Variants in TOGARAM2 observed in about 807,000 individuals in gnomAD.
TOGARAM2 encodes TOG array regulator of axonemal microtubules 2.
In TOGARAM2, 85 loss-of-function variants were observed where a neutral mutation model predicts 93.3. The ratio of observed to expected loss-of-function variants is 0.91; its 90% CI spans 0.76 to 1.09. TOGARAM2 has a LOEUF of 1.09. TOGARAM2 is among the 50% of genes least tolerant of loss of function. The pLI, the probability that TOGARAM2 is intolerant of heterozygous loss-of-function variation, is 0.00. For missense variants in TOGARAM2, 1,277 were observed against 1,334.5 expected, an observed-to-expected ratio of 0.96 and a Z score of 0.67; for synonymous variants, 593 against 552.8, an observed-to-expected ratio of 1.07 and a Z score of -1.02.
At chr2:29,006,344 G>A (rs1663844172) in intron 6 of TOGARAM2, among the ~76,000 whole-genome samples, 1 of 144,272 alleles carries the variant, frequency 6.9e-6, no homozygotes, top group South Asian at 2.2e-4. Flanking sequence ...GTGTGTATGT[G>A]TGTATGTGTG....
At chr2:29,023,010 G>T in intron 11 of TOGARAM2, 76 bp from the exon 12 acceptor site, 1 of 1,335,830 alleles carries the variant, frequency 7.5e-7, no homozygotes, top group South Asian at 1.3e-5. Flanking sequence ...TGTGTGATGT[G>T]GGGCCCCTAG....
chr2:29,002,045 G>A (rs1020696357), intron 4 of TOGARAM2, among the ~76,000 whole-genome samples: 15 of 152,008 alleles, frequency 9.9e-5, no homozygotes, highest in African/African-American at 3.6e-4. Context: ...GAAGTGTGGC[G>A]GTCTGTCTTA....
At chr2:29,030,316 A>G (rs1665690442) in intron 14 of TOGARAM2, among the ~76,000 whole-genome samples, 2 of 152,186 alleles carry the variant, frequency 1.3e-5, no homozygotes, top group South Asian at 4.1e-4. Flanking sequence ...TCACATAGCC[A>G]TTAAACTTGG....
rs367996217 is a variant in TOGARAM2, at chr2:29,032,654, C to T, written c.2013-280C>T. ...AATGATAAAGTGAAAAAGCTGAATACAACTTGTATATACATTCTGATATCA... is the reference window on the plus strand; with the variant it reads ...AATGATAAAGTGAAAAAGCTGAATATAACTTGTATATACATTCTGATATCA... On this transcript the variant is annotated intron_variant, in intron 14 of 19. Transcript: ENST00000379558. 232 of 320,402 alleles carry T rather than the reference C, an allele frequency of 7.2e-4. 1 individual carries two copies. In the South Asian group the frequency reaches 0.011, roughly 15 times the overall value. 19.8% of individuals were successfully genotyped at this position (320,402 alleles called of 1,614,324 possible). A position where few individuals can be genotyped will look rare whatever the true frequency, so the allele number is the denominator to read the frequency against.
At chr2:28,973,504 C>T (rs13002338) in intron 1 of TOGARAM2, among the ~76,000 whole-genome samples, 19 of 139,688 alleles carry the variant, frequency 1.4e-4, no homozygotes, top group African/African-American at 4.6e-4. Flanking sequence ...TTCTCCCTCC[C>T]TCCTTCCCTC....
chr2:29,026,008 C>A (rs1665335029), intron 13 of TOGARAM2, among the ~76,000 whole-genome samples: 1 of 152,114 alleles, frequency 6.6e-6, no homozygotes, highest in Non-Finnish European at 1.5e-5. Context: ...CCCCGAGGGG[C>A]CTGGAACATG....
chr2:29,048,417 G>A (rs1414429158), intron 19 of TOGARAM2: 1 of 152,150 alleles, frequency 6.6e-6, no homozygotes, highest in Non-Finnish European at 1.5e-5. Flanking sequence ...TTCAGTGGTA[G>A]TGTCCATGAT....
chr2:29,025,074 T>A (rs1371161090), intron 13 of TOGARAM2, among the ~76,000 whole-genome samples: 1 of 152,198 alleles, frequency 6.6e-6, no homozygotes, highest in East Asian at 1.9e-4. Flanking sequence ...ATTACACTGA[T>A]GCGTGAGGTT....
intron 19 of TOGARAM2, 23 bp from the exon 20 acceptor site, chr2:29,051,733 G>C (rs1667079961): frequency 6.8e-7 from 1 of 1,459,956 alleles, no homozygotes; most frequent in African/African-American, 1.4e-5. Flanking sequence ...TGGCTCAAGT[G>C]ACTCTCCTTT....
intron 1 of TOGARAM2, among the ~76,000 whole-genome samples, chr2:28,990,155 C>G (rs548398496): frequency 6.6e-6 from 1 of 152,086 alleles, no homozygotes; most frequent in African/African-American, 2.4e-5. Context: ...GGAGACAGCA[C>G]GAGATACAGG....
Position 29,052,140 on chromosome 2 carries a change from G to A in TOGARAM2, c.*47G>A, listed in dbSNP as rs778572135. The A allele has an allele frequency of 7.7e-6, 11 of 1,425,552 alleles. No individual in the cohort carries two copies. Among genetic ancestry groups the A allele is most frequent in the Non-Finnish European group, 9.3e-6 (10 of 1,069,986 alleles). The allele number at this position is 1,425,552 out of a possible 1,614,324, so 88.3% of individuals were successfully genotyped here. ...TTATTATTTATCTTATTTTTTTGAT[G>A]GACTATTCTCCTGGTTACTTTCCCC... On this transcript the variant is annotated 3_prime_UTR_variant, in exon 20 of 20. Transcript: ENST00000379558.
chr2:29,001,552 G>C (rs1673298618), intron 4 of TOGARAM2, among the ~76,000 whole-genome samples: 1 of 151,472 alleles, frequency 6.6e-6, no homozygotes, highest in Non-Finnish European at 1.5e-5. Flanking sequence ...CCAGTCTAGA[G>C]TGCAGTGGTG....
At chr2:28,960,832 G>A (rs1482173923) in intron 1 of TOGARAM2, among the ~76,000 whole-genome samples, 1 of 152,190 alleles carries the variant, frequency 6.6e-6, no homozygotes, top group Non-Finnish European at 1.5e-5. Flanking sequence ...CTGAGTGACA[G>A]AATTGTTAAT....
intron 7 of TOGARAM2, among the ~76,000 whole-genome samples, chr2:29,013,325 T>C (rs1235992947): frequency 6.6e-6 from 1 of 152,202 alleles, no homozygotes; most frequent in Admixed American, 6.5e-5. Context: ...TAGTCAGGGT[T>C]CTCCAGAGGG....
In TOGARAM2 at chr2:29,036,565, C is replaced by T; in HGVS notation, c.2443C>T (p.Leu815Phe). ...VQVFDAFTPR[L>F]QDSNKKVNQW... is the part of the protein sequence containing the mutation. The stretch of plus-strand genomic sequence containing the variant: ...GGTCTTTGATGCTTTCACCCCAAGG[C>T]TTCAGGATTCCAACAAGAAAGTGAA... The change falls in exon 18 of 20, where the codon CTT (leucine) becomes TTT (phenylalanine). Residue 815 changes from leucine to phenylalanine, a missense_variant. By Grantham distance (22) the Leu-to-Phe change is conservative. Coordinates refer to ENST00000379558, the MANE Select transcript of TOGARAM2 (RefSeq NM_199280.4). The T allele has an allele frequency of 1.2e-6, 2 of 1,613,990 alleles. No homozygotes were observed. The highest frequency in any genetic ancestry group is 1.7e-6 in the Non-Finnish European group (2 of 1,179,890).
chr2:29,005,420 A>G (rs573265853), intron 6 of TOGARAM2, among the ~76,000 whole-genome samples: 1 of 74,820 alleles, frequency 1.3e-5, no homozygotes, highest in Non-Finnish European at 2.9e-5. Flanking sequence ...TGCGTGTGTG[A>G]GAGCATGCAT....
At position 29,017,278 on chromosome 2, in the gene TOGARAM2, G is replaced by A. The variant is rs1268750331; in HGVS notation, c.1169G>A (p.Gly390Asp). The change falls in exon 9 of 20, where the codon GGC becomes GAC. Residue 390 changes from glycine (G) to aspartate (D), a missense_variant. Coordinates refer to ENST00000379558, the MANE Select transcript of TOGARAM2 (RefSeq NM_199280.4). The part of the protein sequence containing the change: ...TGQELTSQCL[G>D]SQRAFMKEGL... ...CAGGAGCTCACTTCCCAGTGCCTGG[G>A]CTCCCAGAGAGCCTTCATGAAGGAA... is the stretch of plus-strand genomic sequence containing the variant. The A allele has an allele frequency of 4.3e-6, 7 of 1,611,352 alleles. No individual in the cohort carries two copies. The African/African-American group carries it at 5.4e-5, about 12-fold the overall frequency.
upstream of TOGARAM2, among the ~76,000 whole-genome samples, chr2:28,980,116 G>A (rs1672120901): frequency 6.6e-6 from 1 of 152,208 alleles, no homozygotes; most frequent in South Asian, 2.1e-4. Flanking sequence ...TCCTTTCTGG[G>A]CCTCTGCTAC....
At chr2:29,014,791 G>A (rs1445606035) in intron 8 of TOGARAM2, among the ~76,000 whole-genome samples, 1 of 152,122 alleles carries the variant, frequency 6.6e-6, no homozygotes, top group Non-Finnish European at 1.5e-5. Flanking sequence ...GGGGAACTAG[G>A]TGCAGGGAAG....
Sources: gnomAD v4.1 joint callset for allele counts (sites outside exome capture counted in the v4.1 genomes callset) on GRCh38, gnomAD v4.1.1 for gene constraint, MANE v1.5 for transcripts, NCBI Gene and HGNC (gene_info 2026-07-23, HGNC 2026-07-21) for gene names.